NFAT5: variants seen among roughly 807,000 people sequenced by gnomAD.
NFAT5 encodes nuclear factor of activated T-cells 5.
A neutral mutation model predicts 166.5 loss-of-function variants in NFAT5; 31 were observed. That is an observed-to-expected ratio of 0.19 (90% CI 0.14 to 0.25). NFAT5 has a LOEUF of 0.25. Ranked by LOEUF, NFAT5 falls within the 10% of genes least tolerant of loss-of-function variation. The probability of loss-of-function intolerance (pLI) is 1.00; values close to 1 mark genes in which losing one functional copy is unlikely to be tolerated. For missense variants in NFAT5, 1,449 were observed against 1,821.8 expected, an observed-to-expected ratio of 0.80 and a Z score of 3.72; for synonymous variants, 612 against 639.7, an observed-to-expected ratio of 0.96 and a Z score of 0.65.
intron 5 of NFAT5, among the ~76,000 whole-genome samples, chr16:69,655,003 A>C (rs2035821033): frequency 6.6e-6 from 1 of 152,224 alleles, no homozygotes; most frequent in South Asian, 2.1e-4. Flanking sequence ...ATTATAATTT[A>C]ATTTATGAAG....
At chr16:69,666,383 A>G (rs923960446) in intron 7 of NFAT5, among the ~76,000 whole-genome samples, 3 of 151,764 alleles carry the variant, frequency 2.0e-5, no homozygotes, top group African/African-American at 7.3e-5. Flanking sequence ...GTGAACAGGC[A>G]ACCTACAAAA....
At position 69,620,161 on chromosome 16, in the gene NFAT5, C is replaced by G. The variant is rs190164867; in HGVS notation, c.128-6242C>G. On this transcript the variant is annotated intron_variant, in intron 2 of 14. Transcript: ENST00000349945. The stretch of plus-strand genomic sequence containing the variant: ...GATTTCATTCTTCTATTTCCTTTTT[C>G]CAGTTGCCCTGGGCTCTATGAGAAT... 1.8e-4 allele frequency among the ~76,000 whole-genome samples: 28 copies of G among 152,234 alleles called. 1 individual carries two copies. The highest frequency in any genetic ancestry group is 3.4e-3 in the Middle Eastern group (1 of 294).
At chr16:69,616,675 A>G (rs1457408744) in intron 2 of NFAT5, among the ~76,000 whole-genome samples, 1 of 151,940 alleles carries the variant, frequency 6.6e-6, no homozygotes, top group Non-Finnish European at 1.5e-5. Flanking sequence ...ATATTCATAT[A>G]TTCTTCACCC....
intron 7 of NFAT5, among the ~76,000 whole-genome samples, chr16:69,667,297 A>G (rs2036430851): frequency 2.0e-5 from 3 of 152,002 alleles, no homozygotes; most frequent in South Asian, 4.2e-4. Flanking sequence ...CATTGTGCAC[A>G]TGTACCCTAA....
intron 2 of NFAT5, among the ~76,000 whole-genome samples, chr16:69,598,041 T>C (rs1448396127): frequency 6.6e-6 from 1 of 152,046 alleles, no homozygotes; most frequent in Non-Finnish European, 1.5e-5. Context: ...TGCTATGATA[T>C]TTAGTTATTG....
At chr16:69,624,672 A>G (rs952944741) in intron 2 of NFAT5, among the ~76,000 whole-genome samples, 1 of 152,174 alleles carries the variant, frequency 6.6e-6, no homozygotes, top group East Asian at 1.9e-4. Flanking sequence ...AGGAAGCTCA[A>G]AGTATTTATG....
intron 4 of NFAT5, chr16:69,648,282 T>C: frequency 1.0e-6 from 1 of 985,054 alleles, no homozygotes; most frequent in Non-Finnish European, 1.2e-6. Context: ...TTTCCAATTG[T>C]GTCCTCATAT....
intron 2 of NFAT5, among the ~76,000 whole-genome samples, chr16:69,617,799 A>G (rs1405610652): frequency 6.6e-6 from 1 of 152,016 alleles, no homozygotes; most frequent in African/African-American, 2.4e-5. Context: ...GCTGAACATA[A>G]TTTTAAAGTT....
Position 69,646,410 on chromosome 16 carries a change from C to T in NFAT5, c.254-618C>T. 2 of 357,380 alleles carry T rather than the reference C, an allele frequency of 5.6e-6. 1 individual carries two copies. Among genetic ancestry groups the T allele is most frequent in the Non-Finnish European group, 9.4e-6 (2 of 212,712 alleles). 22.1% of individuals were successfully genotyped at this position (357,380 alleles called of 1,614,324 possible). On this transcript the variant is annotated intron_variant, in intron 3 of 14. Transcript: ENST00000349945. ...GACAATACCAGTTCCATTTTGCCTC[C>T]AATTCAGTTGATTATATATTTTTTC...
intron 2 of NFAT5, among the ~76,000 whole-genome samples, chr16:69,605,909 T>C (rs1043466267): frequency 6.6e-6 from 1 of 152,124 alleles, no homozygotes; most frequent in Non-Finnish European, 1.5e-5. Flanking sequence ...GAGACGGGGT[T>C]TCACCTTGTT....
At chr16:69,638,288 C>G (rs951531086) in intron 3 of NFAT5, among the ~76,000 whole-genome samples, 8 of 152,112 alleles carry the variant, frequency 5.3e-5, no homozygotes, top group African/African-American at 1.9e-4. Context: ...TTTATGACTT[C>G]TGGTTTTTTG....
At chr16:69,591,791 G>C (rs760976680) in intron 2 of NFAT5, among the ~76,000 whole-genome samples, 28 of 152,072 alleles carry the variant, frequency 1.8e-4, no homozygotes, top group Non-Finnish European at 3.8e-4. Context: ...CAAGGCAGAT[G>C]ACTTAAGGCC....
At chr16:69,657,293 G>T (rs966205831) in intron 6 of NFAT5, among the ~76,000 whole-genome samples, 9 of 151,592 alleles carry the variant, frequency 5.9e-5, no homozygotes, top group Admixed American at 2.6e-4. Flanking sequence ...ACCGTACCTG[G>T]CTAATTTTTG....
In NFAT5 at chr16:69,698,404, TATAA is replaced by T. The variant is rs896948145; in HGVS notation, c.*2055_*2058del. The T allele has an allele frequency of 1.2e-4, 18 of 152,410 alleles. No individual in the cohort carries two copies. The highest frequency in any genetic ancestry group is 2.2e-4 in the Non-Finnish European group (15 of 67,982). The allele number at this position is 152,410 out of a possible 1,614,324, so 9.4% of individuals were successfully genotyped here. ...ATAGAAATTTATATATATACATATA[TATAA>T]ACTATTCTTTTTTGCCACACATTTT... On this transcript the variant is annotated 3_prime_UTR_variant, in exon 15 of 15. Transcript: ENST00000349945.
At chr16:69,580,157 TAATATGTAATGTAATTACATATTA>T (rs1363238317) in intron 2 of NFAT5, among the ~76,000 whole-genome samples, 1 of 152,066 alleles carries the variant, frequency 6.6e-6, no homozygotes, top group East Asian at 1.9e-4. Context: ...ATATGTATTT[TAATATGTAATGTAATTACATATTA>T]AATATGTATA....
rs2037834665 is a variant in NFAT5 at position 69,698,530 on chromosome 16, T to G, written c.*2179T>G. 1 of 152,474 alleles carries G rather than the reference T, an allele frequency of 6.6e-6. No individual in the cohort carries two copies. Among genetic ancestry groups the G allele is most frequent in the Non-Finnish European group, 1.5e-5 (1 of 67,998 alleles). The allele number at this position is 152,474 out of a possible 1,614,324, so 9.4% of individuals were successfully genotyped here. A position where few individuals can be genotyped will look rare whatever the true frequency, so the allele number is the denominator to read the frequency against. On this transcript the variant is annotated 3_prime_UTR_variant, in exon 15 of 15. Transcript: ENST00000349945. ...GTTTGTTATGTCTTTATTGAGTATT[T>G]AAGTATCTTTTGAAACAAATGACCT...
At chr16:69,625,730 G>T (rs550947465) in intron 2 of NFAT5, among the ~76,000 whole-genome samples, 1 of 152,116 alleles carries the variant, frequency 6.6e-6, no homozygotes, top group African/African-American at 2.4e-5. Context: ...CATTTCATAT[G>T]TAAAGGGTAA....
chr16:69,567,922 T>C (rs1021065587), intron 1 of NFAT5, among the ~76,000 whole-genome samples: 3 of 152,306 alleles, frequency 2.0e-5, no homozygotes, highest in Admixed American at 2.0e-4. Context: ...ACATATACTT[T>C]ATGAAAATCT....
intron 2 of NFAT5, among the ~76,000 whole-genome samples, chr16:69,587,537 C>T (rs1486697459): frequency 6.6e-6 from 1 of 151,644 alleles, no homozygotes; most frequent in Non-Finnish European, 1.5e-5. Context: ...CTACAGGCGC[C>T]GCCACTATGC....
Sources: allele counts gnomAD v4.1 joint callset (sites outside exome capture counted in the v4.1 genomes callset), GRCh38; gene constraint gnomAD v4.1.1; transcripts MANE v1.5; gene names NCBI Gene and HGNC (gene_info 2026-07-23, HGNC 2026-07-21).